The following TICRR variants were observed in gnomAD, a reference collection of about 807,000 sequenced individuals.
TICRR encodes TOPBP1 interacting checkpoint and replication regulator, also known as treslin.
Under a neutral mutation model 178.1 loss-of-function variants are expected in TICRR, and 132 were observed. The observed-to-expected ratio is 0.74, with a 90% confidence interval of 0.64 to 0.86. TICRR has a LOEUF of 0.86. Ranked by LOEUF, TICRR falls within the 40% of genes least tolerant of loss-of-function variation. TICRR has a pLI of 0.00. For missense variants in TICRR, 2,587 were observed against 2,334.3 expected (o/e 1.11, Z -2.23); for synonymous variants, 991 against 900.7 (o/e 1.10, Z -1.79).
Position 89,616,412 on chromosome 15 carries a change from C to T in TICRR, c.2877C>T (p.His959=), listed in dbSNP as rs763518555. ...GCTGTGTTTACATTTTAGGTTATCA[C>T]AAACTGCTGACTAAGAGTGTGGCCG... ...LDNFKKNKGY[H]KLLTKSVAET... is the part of the protein sequence containing the mutation. Residue 959 remains histidine, a synonymous_variant, in exon 16 of 22, where the codon CAC becomes CAT. Coordinates refer to ENST00000268138, the MANE Select transcript of TICRR (RefSeq NM_152259.4). The T allele has an allele frequency of 1.9e-6, 3 of 1,613,852 alleles. No homozygotes were observed.
At chr15:89,601,594 CT>C in intron 11 of TICRR, 26 bp downstream of exon 11, 2 of 1,612,396 alleles carry the variant, frequency 1.2e-6, no homozygotes, top group South Asian at 2.2e-5. Flanking sequence ...ACTAACTTAA[CT>C]TTAAAATTGT....
chr15:89,596,761 C>G (rs1963004859), intron 7 of TICRR, among the ~76,000 whole-genome samples: 1 of 152,084 alleles, frequency 6.6e-6, no homozygotes, highest in Non-Finnish European at 1.5e-5. Flanking sequence ...TTGGGGTTTA[C>G]TCTCTCATAT....
chr15:89,614,194 G>C (rs1463034872), intron 15 of TICRR, among the ~76,000 whole-genome samples: 1 of 152,026 alleles, frequency 6.6e-6, no homozygotes, highest in Non-Finnish European at 1.5e-5. Flanking sequence ...TCTTGTTCTA[G>C]TAAGTCCAAT....
intron 18 of TICRR, 144 bp downstream of exon 18, chr15:89,619,986 G>A: frequency 1.1e-6 from 1 of 949,138 alleles, no homozygotes. Flanking sequence ...TCAGGGTGAT[G>A]GCTAGATGGA....
Position 89,610,572 on chromosome 15 carries a change from C to G in TICRR, c.2869+1623C>G, listed in dbSNP as rs1963241547. Among the ~76,000 whole-genome samples, 5 of 152,262 alleles carry G rather than the reference C, an allele frequency of 3.3e-5. 1 individual carries two copies. The South Asian group carries it at 1.0e-3, about 32-fold the overall frequency. ...ATATCTTTCATTGTCCTTTTACTTTCAACCTTAGTGTCTTTGTATCTAAAT... is the reference window on the plus strand; with the variant it reads ...ATATCTTTCATTGTCCTTTTACTTTGAACCTTAGTGTCTTTGTATCTAAAT... On this transcript the variant is annotated intron_variant, in intron 15 of 21. Coordinates refer to ENST00000268138, the MANE Select transcript of TICRR (RefSeq NM_152259.4).
chr15:89,589,897 C>T (rs1045002212), intron 4 of TICRR, among the ~76,000 whole-genome samples: 1 of 152,116 alleles, frequency 6.6e-6, no homozygotes, highest in Non-Finnish European at 1.5e-5. Flanking sequence ...AGGAAGATCG[C>T]TTGAGCCCAG....
intron 1 of TICRR, among the ~76,000 whole-genome samples, chr15:89,581,574 A>C (rs904130536): frequency 1.3e-5 from 2 of 152,234 alleles, no homozygotes; most frequent in Non-Finnish European, 2.9e-5. Context: ...AGAAATCAGC[A>C]AAAACAGGGA....
intron 1 of TICRR, among the ~76,000 whole-genome samples, chr15:89,578,920 A>C (rs1210073653): frequency 2.6e-5 from 4 of 151,930 alleles, no homozygotes; most frequent in African/African-American, 9.7e-5. Flanking sequence ...GTCCTTGGGG[A>C]GTGCTCTGTC....
In TICRR at chr15:89,616,317, C is replaced by G. The variant is rs966555423; in HGVS notation, c.2870-88C>G. 5.8e-6 allele frequency: 6 copies of G among 1,033,996 alleles called. No individual in the cohort carries two copies. The East Asian group carries it at 9.7e-5, about 17-fold the overall frequency. 64.1% of individuals were successfully genotyped at this position (1,033,996 alleles called of 1,614,324 possible). A position where few individuals can be genotyped will look rare whatever the true frequency, so the allele number is the denominator to read the frequency against. ...CTCTCCAGCTAGGTAATAAGCCATA[C>G]AGAAGTTCAAACTGCTCCCTTGGCC... On this transcript the variant is annotated intron_variant, in intron 15 of 21. Transcript: ENST00000268138.
chr15:89,595,702 A>C, intron 7 of TICRR, 91 bp downstream of exon 7: 1 of 855,112 alleles, frequency 1.2e-6, no homozygotes, highest in East Asian at 2.6e-5. Context: ...ACTATCTGCT[A>C]CATGCACAAA....
At chr15:89,616,552 T>G in intron 16 of TICRR, 57 bp downstream of exon 16, 1 of 1,411,718 alleles carries the variant, frequency 7.1e-7, no homozygotes, top group South Asian at 1.2e-5. Flanking sequence ...CAAAGCGGCC[T>G]TGTGGGCCAC....
chr15:89,589,316 G>A (rs1216401192), intron 4 of TICRR, among the ~76,000 whole-genome samples: 2 of 152,162 alleles, frequency 1.3e-5, no homozygotes, highest in Non-Finnish European at 2.9e-5. Context: ...TGAGTTTGGG[G>A]GGTAAGAAGG....
intron 5 of TICRR, 138 bp downstream of exon 5, chr15:89,592,314 A>G (rs1424437924): frequency 1.1e-5 from 7 of 610,460 alleles, no homozygotes; most frequent in Non-Finnish European, 1.3e-5. Context: ...AAATACTCTC[A>G]TACTTAATAT....
At chr15:89,595,732 A>G (rs1486189550) in intron 7 of TICRR, 121 bp downstream of exon 7, 7 of 679,096 alleles carry the variant, frequency 1.0e-5, no homozygotes, top group Admixed American at 2.9e-5. Context: ...TGGTGAATAC[A>G]GTAAATAATA....
chr15:89,591,883 T>C, intron 4 of TICRR, 164 bp from the exon 5 acceptor site: 1 of 494,306 alleles, frequency 2.0e-6, no homozygotes, highest in South Asian at 5.2e-5. Context: ...ATTTACCACA[T>C]AGGCCTGTAG....
Position 89,575,499 on chromosome 15 carries a change from A to T in TICRR, c.-88A>T. The T allele has an allele frequency of 7.9e-7, 1 of 1,268,936 alleles. No homozygotes were observed. Among genetic ancestry groups the T allele is most frequent in the Non-Finnish European group, 1.0e-6 (1 of 960,290 alleles). 78.6% of individuals were successfully genotyped at this position (1,268,936 alleles called of 1,614,324 possible). On this transcript the variant is annotated 5_prime_UTR_variant, in exon 1 of 22. Transcript: ENST00000268138. ...TTCGACCAGGGTCCCAAAGGAAAGC[A>T]GTGAGTGGTGCTGTTTCCCTGAAGG... is the stretch of plus-strand genomic sequence containing the variant.
At chr15:89,576,860 T>TACATATATATATATATATATATATATAC (rs1962630686) in intron 1 of TICRR, among the ~76,000 whole-genome samples, 1 of 128,626 alleles carries the variant, frequency 7.8e-6, no homozygotes, top group African/African-American at 3.1e-5. Flanking sequence ...TATATATATA[T>TACATATATATATATATATATATATATAC]ACACACACAC....
intron 8 of TICRR, among the ~76,000 whole-genome samples, 195 bp from the exon 9 acceptor site, chr15:89,600,390 C>G (rs990020269): frequency 6.6e-5 from 10 of 152,068 alleles, no homozygotes; most frequent in African/African-American, 2.4e-4. Flanking sequence ...TTATCCATGC[C>G]CACTAGCTCT....
intron 19 of TICRR, 30 bp downstream of exon 19, chr15:89,621,580 TATA>T (rs1843740315): frequency 6.3e-7 from 1 of 1,575,028 alleles, no homozygotes; most frequent in Non-Finnish European, 8.6e-7. Context: ...TTTGAAATAA[TATA>T]ATCTCCTGGA....
Sources: allele counts gnomAD v4.1 joint callset (sites outside exome capture counted in the v4.1 genomes callset), GRCh38; gene constraint gnomAD v4.1.1; transcripts MANE v1.5; gene names NCBI Gene and HGNC (gene_info 2026-07-23, HGNC 2026-07-21).